Variants in AKT3 observed in about 807,000 individuals in gnomAD.
AKT3 encodes RAC-gamma serine/threonine-protein kinase.
Under a neutral mutation model 65.3 loss-of-function variants are expected in AKT3, and 15 were observed. The observed-to-expected ratio is 0.23, with a 90% CI of 0.15 to 0.35. The LOEUF (loss-of-function observed/expected upper bound fraction) is 0.35, where lower values mean the gene tolerates loss of function less well. AKT3 is among the 10% of genes least tolerant of loss of function. AKT3 has a pLI of 1.00. For synonymous variants in AKT3, 206 were observed against 183.8 expected (o/e 1.12, Z -0.98); for missense variants, 243 against 576.5 (o/e 0.42, Z 5.92).
At chr1:243,710,092 T>C (rs915363388) in intron 2 of AKT3, among the ~76,000 whole-genome samples, 3 of 152,150 alleles carry the variant, frequency 2.0e-5, no homozygotes, top group Non-Finnish European at 4.4e-5. Flanking sequence ...TACTGGCCAA[T>C]ATTTTTAAAA....
intron 8 of AKT3, among the ~76,000 whole-genome samples, chr1:243,592,054 G>C (rs1183515337): frequency 6.6e-6 from 1 of 152,150 alleles, no homozygotes; most frequent in African/African-American, 2.4e-5. Context: ...CCCTAAGCCT[G>C]GCCAGGCACG....
intron 6 of AKT3, 97 bp from the exon 7 acceptor site, chr1:243,615,258 G>C: frequency 1.2e-6 from 1 of 864,384 alleles, no homozygotes; most frequent in Non-Finnish European, 1.7e-6. Flanking sequence ...TAAGCCCAGA[G>C]ATTGAAAAGG....
intron 8 of AKT3, among the ~76,000 whole-genome samples, chr1:243,589,429 G>T (rs1286216635): frequency 6.6e-6 from 1 of 151,950 alleles, no homozygotes; most frequent in Non-Finnish European, 1.5e-5. Context: ...ACATGAAAAG[G>T]TGCTCAAGAT....
chr1:243,793,054 GA>G (rs1691729845), intron 2 of AKT3, among the ~76,000 whole-genome samples: 2 of 152,128 alleles, frequency 1.3e-5, no homozygotes, highest in African/African-American at 4.8e-5. Flanking sequence ...AGTAACACCC[GA>G]AGTGAAGCAG....
At chr1:243,649,524 C>A (rs966965521) in intron 4 of AKT3, among the ~76,000 whole-genome samples, 1 of 151,916 alleles carries the variant, frequency 6.6e-6, no homozygotes, top group East Asian at 1.9e-4. Flanking sequence ...CAATCCGTCA[C>A]CTATATTAGG....
At chr1:243,800,198 C>T (rs1692295171) in intron 2 of AKT3, among the ~76,000 whole-genome samples, 1 of 152,200 alleles carries the variant, frequency 6.6e-6, no homozygotes, top group Admixed American at 6.5e-5. Flanking sequence ...GACCCTACTA[C>T]TTGCTAGGTG....
chr1:243,836,849 T>C (rs948726975), intron 2 of AKT3, among the ~76,000 whole-genome samples: 20 of 149,820 alleles, frequency 1.3e-4, no homozygotes, highest in African/African-American at 4.9e-4. Flanking sequence ...GAGGCGGAGG[T>C]TGCAGTGAGC....
intron 11 of AKT3, among the ~76,000 whole-genome samples, chr1:243,547,366 T>C (rs1393465083): frequency 6.6e-6 from 1 of 152,252 alleles, no homozygotes; most frequent in Non-Finnish European, 1.5e-5. Context: ...AGTAAATTTA[T>C]ATAATTTTTA....
chr1:243,843,331 A>G (rs1279846508), intron 1 of AKT3, 49 bp from the exon 2 acceptor site: 2 of 1,361,898 alleles, frequency 1.5e-6, no homozygotes, highest in Admixed American at 6.4e-5. Context: ...CTTGCAACTC[A>G]CAGAGCAATA....
At chr1:243,516,757 A>G (rs1315033709) in intron 12 of AKT3, among the ~76,000 whole-genome samples, 1 of 151,972 alleles carries the variant, frequency 6.6e-6, no homozygotes, top group East Asian at 1.9e-4. Context: ...ACAGGTGCAC[A>G]CCAGTATGCC....
downstream of AKT3, among the ~76,000 whole-genome samples, chr1:243,497,417 C>T (rs1350882540): frequency 5.3e-5 from 8 of 151,756 alleles, no homozygotes; most frequent in South Asian, 1.5e-3. Flanking sequence ...TCACCTGAAC[C>T]GCAGGAAATA....
intron 8 of AKT3, among the ~76,000 whole-genome samples, chr1:243,594,856 A>G (rs1262854147): frequency 6.6e-6 from 1 of 152,176 alleles, no homozygotes; most frequent in Non-Finnish European, 1.5e-5. Context: ...CTGGGATTAC[A>G]GGTATAAGCC....
chr1:243,719,307 C>A (rs1686726565), intron 2 of AKT3, among the ~76,000 whole-genome samples: 1 of 152,218 alleles, frequency 6.6e-6, no homozygotes, highest in African/African-American at 2.4e-5. Context: ...ACATAACTCT[C>A]TGCTAACTTT....
chr1:243,607,031 G>A (rs773849077), intron 8 of AKT3, among the ~76,000 whole-genome samples: 2 of 152,256 alleles, frequency 1.3e-5, no homozygotes, highest in Non-Finnish European at 2.9e-5. Context: ...CCTCCACCTA[G>A]ATTTCAGAGG....
intron 4 of AKT3, among the ~76,000 whole-genome samples, chr1:243,648,252 C>T (rs533632956): frequency 2.3e-4 from 34 of 146,578 alleles, no homozygotes; most frequent in African/African-American, 3.8e-4. Context: ...AGCAAGACTC[C>T]GTCTAAAAAA....
At chr1:243,850,008 A>AG (rs1695698232) in intron 1 of AKT3, 32 bp downstream of exon 1, 1 of 973,920 alleles carries the variant, frequency 1.0e-6, no homozygotes, top group Non-Finnish European at 1.2e-6. Flanking sequence ...CCAGGCGGGG[A>AG]GGGGGCTAGA....
At chr1:243,818,831 T>C (rs1390019500) in intron 2 of AKT3, among the ~76,000 whole-genome samples, 1 of 151,142 alleles carries the variant, frequency 6.6e-6, no homozygotes, top group Non-Finnish European at 1.5e-5. Context: ...CCAGGTTCTC[T>C]CCATGGGACT....
intron 12 of AKT3, among the ~76,000 whole-genome samples, chr1:243,531,918 C>T (rs2148414789): frequency 6.6e-6 from 1 of 152,166 alleles, no homozygotes; most frequent in Non-Finnish European, 1.5e-5. Context: ...TTGTTGATAG[C>T]TAGTATATGG....
At chr1:243,693,958 T>TA (rs1455067223) in intron 3 of AKT3, among the ~76,000 whole-genome samples, 1 of 152,192 alleles carries the variant, frequency 6.6e-6, no homozygotes, top group Non-Finnish European at 1.5e-5. Context: ...ATAAATAAGC[T>TA]GACTGTCAGT....
Sources: gnomAD v4.1 joint callset for allele counts (sites outside exome capture counted in the v4.1 genomes callset) on GRCh38, gnomAD v4.1.1 for gene constraint, MANE v1.5 for transcripts, NCBI Gene and HGNC (gene_info 2026-07-23, HGNC 2026-07-21) for gene names.